Variants in SFXN4 observed in about 807,000 individuals in gnomAD.
SFXN4 encodes sideroflexin 4.
A neutral mutation model predicts 54.6 loss-of-function variants in SFXN4; 48 were observed. The ratio of observed to expected loss-of-function variants is 0.88; its 90% CI spans 0.70 to 1.12. The LOEUF (loss-of-function observed/expected upper bound fraction) is 1.12, where lower values mean the gene tolerates loss of function less well. Ranked by LOEUF, SFXN4 falls within the 50% of genes most tolerant of loss-of-function variation. The probability of loss-of-function intolerance (pLI) is 0.00; values close to 1 mark genes in which losing one functional copy is unlikely to be tolerated. For missense variants in SFXN4, 383 were observed against 409.2 expected (o/e 0.94, Z 0.55); for synonymous variants, 130 against 145.5 (o/e 0.89, Z 0.77).
intron 2 of SFXN4, 96 bp downstream of exon 2, chr10:119,164,035 C>T (rs570760302): frequency 2.7e-5 from 21 of 767,210 alleles, no homozygotes; most frequent in Middle Eastern, 4.0e-4. Context: ...AACGAAACTC[C>T]GTCTCAAAAA....
chr10:119,144,413 C>T (rs999287374), intron 13 of SFXN4, among the ~76,000 whole-genome samples: 10 of 152,038 alleles, frequency 6.6e-5, no homozygotes, highest in Admixed American at 2.6e-4. Flanking sequence ...GCCGAGATTG[C>T]GCCACTGCAC....
chr10:119,148,105 G>A (rs763514899), intron 11 of SFXN4, among the ~76,000 whole-genome samples: 1 of 152,124 alleles, frequency 6.6e-6, no homozygotes, highest in Admixed American at 6.6e-5. Context: ...CTGAGAGGCG[G>A]ATTTTGCAGT....
In SFXN4 at chr10:119,147,861, C is replaced by G. The variant is rs1846886193; in HGVS notation, c.733-1G>C. On this transcript the variant is annotated splice_acceptor_variant, in intron 11 of 13. Transcript: ENST00000355697. LOFTEE classifies it high-confidence loss of function. ...TGGATGCTAGCGTTTCTCTAACAGC[C>G]TAGCAAAAATGAAAAGAAAACAGCT... is the stretch of plus-strand genomic sequence containing the variant. The G allele has an allele frequency of 6.2e-7, 1 of 1,613,812 alleles. No individual in the cohort carries two copies. The highest frequency in any genetic ancestry group is 8.5e-7 in the Non-Finnish European group (1 of 1,179,756).
intron 11 of SFXN4, among the ~76,000 whole-genome samples, chr10:119,148,842 A>T (rs2133582464): frequency 6.6e-6 from 1 of 152,222 alleles, no homozygotes; most frequent in South Asian, 2.1e-4. Context: ...TGTAAGGGAA[A>T]TTTTGACTAT....
intron 5 of SFXN4, among the ~76,000 whole-genome samples, chr10:119,160,462 G>A (rs1242763063): frequency 4.7e-5 from 7 of 148,124 alleles, no homozygotes; most frequent in African/African-American, 1.5e-4. Context: ...GTTGTAGTGA[G>A]CCGAGATTGT....
intron 13 of SFXN4, among the ~76,000 whole-genome samples, chr10:119,142,984 G>A (rs900052574): frequency 5.3e-5 from 8 of 151,960 alleles, no homozygotes; most frequent in South Asian, 2.1e-4. Context: ...CGCCCGCCTC[G>A]GCCTCCCAAA....
intron 1 of SFXN4, 59 bp from the exon 2 acceptor site, chr10:119,164,255 T>C: frequency 3.4e-6 from 3 of 870,596 alleles, no homozygotes; most frequent in Non-Finnish European, 5.4e-6. Context: ...AAGATATAAA[T>C]ACTAACAGTT....
chr10:119,162,004 C>A (rs1847570409), intron 3 of SFXN4: 1 of 367,684 alleles, frequency 2.7e-6, no homozygotes, highest in Admixed American at 4.5e-5. Flanking sequence ...ACGTCAGAGC[C>A]CTGTCTGAAT....
intron 2 of SFXN4, among the ~76,000 whole-genome samples, chr10:119,162,799 CTTAT>C (rs1302295407): frequency 6.6e-6 from 1 of 151,932 alleles, no homozygotes. Context: ...TCTTTCTTTT[CTTAT>C]TGTTTTTTAA....
At chr10:119,163,466 C>T (rs1260219993) in intron 2 of SFXN4, among the ~76,000 whole-genome samples, 5 of 151,978 alleles carry the variant, frequency 3.3e-5, no homozygotes, top group Non-Finnish European at 5.9e-5. Context: ...GGCAAGATCT[C>T]GGCTCACTGC....
chr10:119,161,437 CAA>C (rs1554888747), intron 3 of SFXN4, among the ~76,000 whole-genome samples: 4 of 119,830 alleles, frequency 3.3e-5, no homozygotes, highest in South Asian at 2.7e-4. Flanking sequence ...CAAAAAAAAA[CAA>C]AAAAAAAAAA....
intron 11 of SFXN4, among the ~76,000 whole-genome samples, chr10:119,152,181 T>C (rs544966006): frequency 8.6e-4 from 130 of 151,904 alleles, no homozygotes; most frequent in African/African-American, 3.0e-3. Context: ...TTTTACAGTA[T>C]GTAAATTATA....
At chr10:119,161,857 T>C (rs1174513855) in intron 3 of SFXN4, among the ~76,000 whole-genome samples, 2 of 152,194 alleles carry the variant, frequency 1.3e-5, no homozygotes, top group East Asian at 1.9e-4. Flanking sequence ...AAGTTAAATA[T>C]GTGAGCTCTC....
intron 5 of SFXN4, among the ~76,000 whole-genome samples, chr10:119,160,583 CTTTTCT>C (rs1260633618): frequency 8.0e-6 from 1 of 125,522 alleles, no homozygotes; most frequent in Non-Finnish European, 1.6e-5. Context: ...GCAGAGTTTT[CTTTTCT>C]TTTTTTTTTT....
At chr10:119,160,532 A>G (rs2133622481) in intron 5 of SFXN4, among the ~76,000 whole-genome samples, 1 of 145,182 alleles carries the variant, frequency 6.9e-6, no homozygotes, top group South Asian at 2.2e-4. Context: ...AAAAAAAAAG[A>G]AAGAAATCCT....
chr10:119,159,979 C>T (rs981676182), intron 5 of SFXN4, among the ~76,000 whole-genome samples: 1 of 152,044 alleles, frequency 6.6e-6, no homozygotes, highest in Non-Finnish European at 1.5e-5. Flanking sequence ...GAGTTCGAGA[C>T]CAGCCTCTAT....
chr10:119,147,303 C>T (rs927328107), intron 12 of SFXN4, among the ~76,000 whole-genome samples: 1 of 152,254 alleles, frequency 6.6e-6, no homozygotes, highest in African/African-American at 2.4e-5. Context: ...CTGGTGGCCA[C>T]AGGAACCCTG....
At position 119,161,046 on chromosome 10, in the gene SFXN4, G is replaced by A. The variant is rs1326052189; in HGVS notation, c.279+9C>T. 6 of 1,614,064 alleles carry A rather than the reference G, an allele frequency of 3.7e-6. No homozygotes were observed. Among genetic ancestry groups the A allele is most frequent in the East Asian group, 2.2e-5 (1 of 44,888 alleles). ...GGACACTAAAAATTAGGAAGGGGCTGAAACTTACAAGACTCCGCTTCCAAG... is the reference window on the plus strand; with the variant it reads ...GGACACTAAAAATTAGGAAGGGGCTAAAACTTACAAGACTCCGCTTCCAAG... On this transcript the variant is annotated intron_variant, in intron 4 of 13. Coordinates refer to ENST00000355697, the MANE Select transcript of SFXN4 (RefSeq NM_213649.2).
intron 11 of SFXN4, among the ~76,000 whole-genome samples, chr10:119,148,079 T>C (rs1024320494): frequency 6.6e-6 from 1 of 151,932 alleles, no homozygotes; most frequent in Non-Finnish European, 1.5e-5. Flanking sequence ...GACTGAGAAA[T>C]GAGAATCACT....
Sources: allele counts gnomAD v4.1 joint callset (sites outside exome capture counted in the v4.1 genomes callset), GRCh38; gene constraint gnomAD v4.1.1; transcripts MANE v1.5; gene names NCBI Gene and HGNC (gene_info 2026-07-23, HGNC 2026-07-21).